MFSD2B: variants seen among roughly 807,000 people sequenced by gnomAD.
MFSD2B encodes sphingosine-1-phosphate transporter MFSD2B.
Under a neutral mutation model 58.4 loss-of-function variants are expected in MFSD2B, and 56 were observed. That is an observed-to-expected ratio of 0.96 (90% CI 0.77 to 1.20). The LOEUF is 1.20. MFSD2B is among the 50% of genes most tolerant of loss of function. The pLI, the probability that MFSD2B is intolerant of heterozygous loss-of-function variation, is 0.00. For missense variants in MFSD2B, 645 were observed against 667.6 expected (o/e 0.97, Z 0.37); for synonymous variants, 287 against 294.4 (o/e 0.97, Z 0.26).
At position 24,023,586 on chromosome 2, in the gene MFSD2B, C is replaced by T. The variant is rs766833292; in HGVS notation, c.1173C>T (p.Ser391=). The change falls in exon 12 of 14, where the codon TCC becomes TCT. Residue 391 remains serine (S), a synonymous_variant. Coordinates refer to ENST00000338315, the MANE Select transcript of MFSD2B (RefSeq NM_001346880.2). This position sits in a 1 kb window ranked among gnomAD's most constrained non-coding sequence, Gnocchi z 5.0. ...TAACTCCACACCCCCGCCGCAGGTC[C>T]ATGCTGCCAGACGTGGTGGATGACT... ...SIAVSLLLPW[S]MLPDVVDDFQ... is the part of the protein sequence containing the mutation. The T allele has an allele frequency of 6.2e-7, 1 of 1,613,658 alleles. No individual in the cohort carries two copies. The highest frequency in any genetic ancestry group is 1.1e-5 in the South Asian group (1 of 91,044).
In MFSD2B at chr2:24,016,164, C is replaced by T. The variant is rs372283400; in HGVS notation, c.231C>T (p.Ala77=). The T allele has an allele frequency of 2.9e-5, 47 of 1,613,486 alleles. No individual in the cohort carries two copies. Among genetic ancestry groups the T allele is most frequent in the East Asian group, 6.7e-5 (3 of 44,898 alleles). Residue 77 remains alanine, a synonymous_variant, in exon 3 of 14, where the codon GCC becomes GCT. Coordinates refer to ENST00000338315, the MANE Select transcript of MFSD2B (RefSeq NM_001346880.2). The part of the protein sequence containing the change: ...LFLLDIAQIP[A]AQVSLVLFGG... ...TCCCCTGTCTGTTTCAGATCCCTGC[C>T]GCCCAGGTGTCACTTGTTCTGTTTG... is the stretch of plus-strand genomic sequence containing the variant.
chr2:24,023,945 C>G lies in MFSD2B; in HGVS notation c.1314-150C>G, dbSNP rs1041083755. The G allele has an allele frequency of 1.5e-5, 14 of 931,846 alleles. No individual in the cohort carries two copies. In the East Asian group the frequency reaches 3.6e-4, roughly 24 times the overall value. 57.7% of individuals were successfully genotyped at this position (931,846 alleles called of 1,614,324 possible). A position where few individuals can be genotyped will look rare whatever the true frequency, so the allele number is the denominator to read the frequency against. ...TTCCCTCTAAACTCTCCCAGGTCAGCCTGTCACCTTGACACTCCTCTCCTG... is the reference window on the plus strand; with the variant it reads ...TTCCCTCTAAACTCTCCCAGGTCAGGCTGTCACCTTGACACTCCTCTCCTG... On this transcript the variant is annotated intron_variant, in intron 12 of 13. Coordinates refer to ENST00000338315, the MANE Select transcript of MFSD2B (RefSeq NM_001346880.2). The surrounding 1 kb of genome is among the most constrained non-coding windows in gnomAD (Gnocchi z 5.0).
rs1386270078 is a variant in MFSD2B at position 24,022,022 on chromosome 2, T to C, written c.894+52T>C. Reference sequence around the variant, plus strand: ...GGCTTGGTGCTGGCCATGCTGACCTTGCATAGGTTCAGGGTGCAGTCTTGG... The same window carrying C: ...GGCTTGGTGCTGGCCATGCTGACCTCGCATAGGTTCAGGGTGCAGTCTTGG... On this transcript the variant is annotated intron_variant, in intron 8 of 13. Transcript: ENST00000338315. The surrounding 1 kb of genome is among the most constrained non-coding windows in gnomAD (Gnocchi z 4.5). 1.2e-6 allele frequency: 2 copies of C among 1,610,630 alleles called. No homozygotes were observed. The highest frequency in any genetic ancestry group is 8.5e-7 in the Non-Finnish European group (1 of 1,177,610).
chr2:24,026,530 G>A lies in MFSD2B; in HGVS notation c.*1074G>A, dbSNP rs2150944207. ...CTTATCTTCCTACCGGGAGGGGACA[G>A]GGGCTGAAGACTGAGCTCATCATCA... On this transcript the variant is annotated 3_prime_UTR_variant, in exon 14 of 14. Transcript: ENST00000338315. 6.6e-6 allele frequency: 1 copy of A among 152,322 alleles called. No individual in the cohort carries two copies. The highest frequency in any genetic ancestry group is 1.9e-4 in the East Asian group (1 of 5,190). 9.4% of individuals were successfully genotyped at this position (152,322 alleles called of 1,614,324 possible).
Position 24,022,400 on chromosome 2 carries a change from C to T in MFSD2B, c.895-33C>T. 6.3e-7 allele frequency: 1 copy of T among 1,576,910 alleles called. No homozygotes were observed. Among genetic ancestry groups the T allele is most frequent in the Non-Finnish European group, 8.7e-7 (1 of 1,150,966 alleles). On this transcript the variant is annotated intron_variant, in intron 8 of 13. Coordinates refer to ENST00000338315, the MANE Select transcript of MFSD2B (RefSeq NM_001346880.2). The surrounding 1 kb of genome is among the most constrained non-coding windows in gnomAD (Gnocchi z 4.5). ...TTGACTTCTGAGCTCCTGCCATGCC[C>T]TGCACATACCCACTTCCTGTCCATC...
At chr2:24,019,362 C>G (rs1662671480) in intron 6 of MFSD2B, among the ~76,000 whole-genome samples, 1 of 152,122 alleles carries the variant, frequency 6.6e-6, no homozygotes, top group Non-Finnish European at 1.5e-5. Flanking sequence ...ATTCTGCCCC[C>G]ACCAATGTCT....
At position 24,016,193 on chromosome 2, in the gene MFSD2B, GAA is replaced by G. The variant is rs763650771; in HGVS notation, c.263_264del (p.Lys88SerfsTer7). 1 of 1,613,914 alleles carries G rather than the reference GAA, an allele frequency of 6.2e-7. No individual in the cohort carries two copies. Among genetic ancestry groups the G allele is most frequent in the Non-Finnish European group, 8.5e-7 (1 of 1,179,880 alleles). On this transcript the variant is annotated frameshift_variant, in exon 3 of 14. Transcript: ENST00000338315. LOFTEE classifies it high-confidence loss of function. ...CAGGTGTCACTTGTTCTGTTTGGGGGAAAAGTGTCTGGGGCGGCTGCTGACCC... is the reference window on the plus strand; with the variant it reads ...CAGGTGTCACTTGTTCTGTTTGGGGGAAGTGTCTGGGGCGGCTGCTGACCC...
In MFSD2B at chr2:24,017,513, C is replaced by A; in HGVS notation, c.606C>A (p.Ile202=). 1 of 1,588,020 alleles carries A rather than the reference C, an allele frequency of 6.3e-7. No individual in the cohort carries two copies. The highest frequency in any genetic ancestry group is 8.6e-7 in the Non-Finnish European group (1 of 1,167,308). The change falls in exon 6 of 14, where the codon ATC becomes ATA. Residue 202 remains isoleucine (I), a synonymous_variant. Transcript: ENST00000338315. This position sits in a 1 kb window ranked among gnomAD's most constrained non-coding sequence, Gnocchi z 4.8. ...TLMGATVHGL[I]VSGAHRPHRC... ...TGGGGGCCACTGTCCACGGGCTCAT[C>A]GTGTCCGGCGCCCACAGACCCCACA...
intron 2 of MFSD2B, among the ~76,000 whole-genome samples, chr2:24,014,620 G>T (rs781007159): frequency 6.6e-6 from 1 of 152,152 alleles, no homozygotes; most frequent in East Asian, 1.9e-4. Context: ...TTTTAGAGAA[G>T]AGTATATAAA....
At position 24,021,620 on chromosome 2, in the gene MFSD2B, C is replaced by T; in HGVS notation, c.682-28C>T. 4 of 1,591,206 alleles carry T rather than the reference C, an allele frequency of 2.5e-6. No individual in the cohort carries two copies. Among genetic ancestry groups the T allele is most frequent in the Non-Finnish European group, 2.6e-6 (3 of 1,165,262 alleles). ...CCACCTCCAGGGGTTGAAGACATCA[C>T]CCATCCCAGTCCTGTCCTGTCCCAC... On this transcript the variant is annotated intron_variant, in intron 6 of 13. Transcript: ENST00000338315. The surrounding 1 kb of genome is among the most constrained non-coding windows in gnomAD (Gnocchi z 5.7).
In MFSD2B at chr2:24,020,683, C is replaced by T. The variant is rs1662742763; in HGVS notation, c.682-965C>T. On this transcript the variant is annotated intron_variant, in intron 6 of 13. Coordinates refer to ENST00000338315, the MANE Select transcript of MFSD2B (RefSeq NM_001346880.2). This position sits in a 1 kb window ranked among gnomAD's most constrained non-coding sequence, Gnocchi z 4.1. ...CAAGCGATTCTGCCACCTCAGCCTC[C>T]CTAGTAGCTGGGACTGCAGGTGCAT... Among the ~76,000 whole-genome samples the T allele has an allele frequency of 1.3e-5, 2 of 152,098 alleles. No homozygotes were observed. The highest frequency in any genetic ancestry group is 6.5e-5 in the Admixed American group (1 of 15,270).
At position 24,016,188 on chromosome 2, in the gene MFSD2B, T is replaced by TG; in HGVS notation, c.260dup (p.Val89SerfsTer7). On this transcript the variant is annotated frameshift_variant, in exon 3 of 14. Coordinates refer to ENST00000338315, the MANE Select transcript of MFSD2B (RefSeq NM_001346880.2). LOFTEE classifies it high-confidence loss of function. The stretch of plus-strand genomic sequence containing the variant: ...CCGCCCAGGTGTCACTTGTTCTGTT[T>TG]GGGGGAAAAGTGTCTGGGGCGGCTG... 7.4e-6 allele frequency: 12 copies of TG among 1,613,856 alleles called. No individual in the cohort carries two copies. Among genetic ancestry groups the TG allele is most frequent in the Non-Finnish European group, 1.0e-5 (12 of 1,179,878 alleles).
In MFSD2B at chr2:24,021,249, C is replaced by G. The variant is rs948670040; in HGVS notation, c.682-399C>G. On this transcript the variant is annotated intron_variant, in intron 6 of 13. Coordinates refer to ENST00000338315, the MANE Select transcript of MFSD2B (RefSeq NM_001346880.2). This position sits in a 1 kb window ranked among gnomAD's most constrained non-coding sequence, Gnocchi z 5.7. Reference sequence around the variant, plus strand: ...CATGCATCTCACCGTGCTGTAACCACCTGCTCCTGGATCTGTCTTCCTCCC... The same window carrying G: ...CATGCATCTCACCGTGCTGTAACCAGCTGCTCCTGGATCTGTCTTCCTCCC... Among the ~76,000 whole-genome samples, 1 of 152,202 alleles carries G rather than the reference C, an allele frequency of 6.6e-6. No individual in the cohort carries two copies. The highest frequency in any genetic ancestry group is 6.5e-5 in the Admixed American group (1 of 15,282).
Position 24,017,269 on chromosome 2 carries a change from C to A in MFSD2B, c.472-17C>A, listed in dbSNP as rs535842857. The A allele has an allele frequency of 3.2e-6, 5 of 1,582,750 alleles. No homozygotes were observed. The highest frequency in any genetic ancestry group is 4.3e-6 in the Non-Finnish European group (5 of 1,165,334). On this transcript the variant is annotated splice_polypyrimidine_tract_variant and intron_variant, in intron 4 of 13. Coordinates refer to ENST00000338315, the MANE Select transcript of MFSD2B (RefSeq NM_001346880.2). This position sits in a 1 kb window ranked among gnomAD's most constrained non-coding sequence, Gnocchi z 4.8. ...AGGCAAAGCTGGGGGCGGTTCTAAG[C>A]TCTGCCGACGCCCCAGTTCTTCCAG...
intron 1 of MFSD2B, 49 bp downstream of exon 1, chr2:24,010,241 C>A: frequency 7.7e-7 from 1 of 1,298,388 alleles, no homozygotes; most frequent in South Asian, 1.9e-5. Flanking sequence ...TCGGGGAGCT[C>A]CAGGGCGTCG....
At chr2:24,025,282 G>C (rs1573648422) in intron 13 of MFSD2B, 150 bp from the exon 14 acceptor site, 1 of 693,300 alleles carries the variant, frequency 1.4e-6, no homozygotes, top group East Asian at 2.7e-5. Flanking sequence ...CAGGGTTGTA[G>C]CTCATCTACA....
Position 24,021,541 on chromosome 2 carries a change from G to T in MFSD2B, c.682-107G>T. 9.9e-7 allele frequency: 1 copy of T among 1,006,582 alleles called. No homozygotes were observed. The highest frequency in any genetic ancestry group is 1.5e-5 in the South Asian group (1 of 66,996). 62.4% of individuals were successfully genotyped at this position (1,006,582 alleles called of 1,614,324 possible). A position where few individuals can be genotyped will look rare whatever the true frequency, so the allele number is the denominator to read the frequency against. ...GGACCCAGCGTCCTGGGCTTGGGTTGTGCCTCCCTCCGCTCCCACTGGGAG... is the reference window on the plus strand; with the variant it reads ...GGACCCAGCGTCCTGGGCTTGGGTTTTGCCTCCCTCCGCTCCCACTGGGAG... On this transcript the variant is annotated intron_variant, in intron 6 of 13. Coordinates refer to ENST00000338315, the MANE Select transcript of MFSD2B (RefSeq NM_001346880.2). This position sits in a 1 kb window ranked among gnomAD's most constrained non-coding sequence, Gnocchi z 5.7.
chr2:24,023,789 G>A lies in MFSD2B; in HGVS notation c.1313+63G>A. ...GACCAGTGGGCAGGAAGAGGGCAAAGCCCCTCACCTACCAAGCTCAGGGCA... is the reference window on the plus strand; with the variant it reads ...GACCAGTGGGCAGGAAGAGGGCAAAACCCCTCACCTACCAAGCTCAGGGCA... On this transcript the variant is annotated intron_variant, in intron 12 of 13. Transcript: ENST00000338315. This position sits in a 1 kb window ranked among gnomAD's most constrained non-coding sequence, Gnocchi z 5.0. 4 of 1,579,648 alleles carry A rather than the reference G, an allele frequency of 2.5e-6. No individual in the cohort carries two copies. The highest frequency in any genetic ancestry group is 3.5e-6 in the Non-Finnish European group (4 of 1,157,526).
Position 24,020,743 on chromosome 2 carries a change from C to A in MFSD2B, c.682-905C>A, listed in dbSNP as rs1429213983. 2.0e-5 allele frequency among the ~76,000 whole-genome samples: 3 copies of A among 151,874 alleles called. No individual in the cohort carries two copies. The highest frequency in any genetic ancestry group is 7.3e-5 in the African/African-American group (3 of 41,330). On this transcript the variant is annotated intron_variant, in intron 6 of 13. Transcript: ENST00000338315. The surrounding 1 kb of genome is among the most constrained non-coding windows in gnomAD (Gnocchi z 4.1). ...CACACCTGGCTAATTTTTGTATTTT[C>A]TTTGGTAGATATGGGGTTTTGCCAT...
Sources: allele counts gnomAD v4.1 joint callset (sites outside exome capture counted in the v4.1 genomes callset), GRCh38; gene constraint gnomAD v4.1.1; non-coding constraint Gnocchi (gnomAD v3.1); transcripts MANE v1.5; gene names NCBI Gene and HGNC (gene_info 2026-07-23, HGNC 2026-07-21).